PPL: variants seen among roughly 807,000 people sequenced by gnomAD.
PPL encodes 190 kDa paraneoplastic pemphigus antigen.
A neutral mutation model predicts 194.4 loss-of-function variants in PPL; 198 were observed. The observed-to-expected ratio is 1.02, with a 90% CI of 0.91 to 1.15. The LOEUF (loss-of-function observed/expected upper bound fraction) is 1.15. Among genes scored for constraint, PPL ranks in the 50% most tolerant of loss-of-function variants. The pLI, the probability that PPL is intolerant of heterozygous loss-of-function variation, is 0.00. For synonymous variants in PPL, 1,220 were observed against 972.4 expected (o/e 1.25, Z -4.74); for missense variants, 2,885 against 2,294.8 (o/e 1.26, Z -5.25).
chr16:4,909,447 G>A (rs1404181345), intron 2 of PPL, among the ~76,000 whole-genome samples: 1 of 36,042 alleles, frequency 2.8e-5, no homozygotes, highest in African/African-American at 1.8e-4. Flanking sequence ...TTTTTTTTTT[G>A]AGACAGTCTT....
chr16:4,932,904 G>A (rs1003674690), intron 1 of PPL, among the ~76,000 whole-genome samples: 20 of 152,158 alleles, frequency 1.3e-4, no homozygotes, highest in African/African-American at 4.6e-4. Flanking sequence ...ACTGAGGCTC[G>A]GAGACATTAA....
intron 14 of PPL, among the ~76,000 whole-genome samples, chr16:4,892,483 A>T (rs2088338959): frequency 6.6e-6 from 1 of 152,218 alleles, no homozygotes; most frequent in Middle Eastern, 3.2e-3. Context: ...TCAGCACTGC[A>T]CGCGGACGCT....
chr16:4,883,964 T>G lies in PPL; in HGVS notation c.4691A>C (p.Glu1564Ala). 1 of 1,614,126 alleles carries G rather than the reference T, an allele frequency of 6.2e-7. No homozygotes were observed. The highest frequency in any genetic ancestry group is 8.5e-7 in the Non-Finnish European group (1 of 1,180,028). ...SSKELDFLRE[E>A]NHKLQLERQN... ...CCTCTCCAGCTGTAATTTGTGGTTC[T>G]CTTCCCTCAGAAAGTCTAGTTCCTT... Residue 1564 changes from glutamate (E) to alanine (A), a missense_variant, in exon 22 of 22, where the codon GAG becomes GCG. Transcript: ENST00000345988. This position sits in a 1 kb window ranked among gnomAD's most constrained non-coding sequence, Gnocchi z 4.8.
Position 4,895,344 on chromosome 16 carries a change from G to A in PPL, c.1159C>T (p.Gln387Ter). 3.1e-6 allele frequency: 5 copies of A among 1,613,390 alleles called. No individual in the cohort carries two copies. The highest frequency in any genetic ancestry group is 3.4e-6 in the Non-Finnish European group (4 of 1,179,974). Residue 387 changes from glutamine to a stop codon, truncating the protein, a stop_gained, in exon 11 of 22, where the codon CAG becomes TAG. Coordinates refer to ENST00000345988, the MANE Select transcript of PPL (RefSeq NM_002705.5). LOFTEE classifies it high-confidence loss of function. ...CGGCGGTACTTGAGGGGCACCACCT[G>A]CTGGCCTCGCTTCTGCAGCCCCTGC... ...VVQGLQKRGQ[Q>*]VVPLKYRRET...
chr16:4,907,064 G>A (rs1165042799), intron 2 of PPL, among the ~76,000 whole-genome samples: 1 of 128,446 alleles, frequency 7.8e-6, no homozygotes, highest in African/African-American at 2.9e-5. Flanking sequence ...GGGCAATATA[G>A]TGAGACCCTA....
intron 2 of PPL, among the ~76,000 whole-genome samples, chr16:4,909,137 A>G (rs1181861444): frequency 1.3e-5 from 2 of 152,064 alleles, no homozygotes; most frequent in African/African-American, 2.4e-5. Context: ...AGGCCAGGGC[A>G]AGGCCCACTC....
Position 4,884,779 on chromosome 16 carries a change from G to C in PPL, c.3876C>G (p.Val1292=). The C allele has an allele frequency of 1.9e-6, 3 of 1,614,052 alleles. No individual in the cohort carries two copies. Among genetic ancestry groups the C allele is most frequent in the South Asian group, 1.1e-5 (1 of 91,070 alleles). ...TKPQVQTKEV[V]QEILQFQEDP... ...CTTCTTGGAATTGGAGGATCTCCTG[G>C]ACCACCTCTTTGGTCTGGACCTGGG... The change falls in exon 22 of 22, where the codon GTC becomes GTG. Residue 1292 remains valine (V), a synonymous_variant. Coordinates refer to ENST00000345988, the MANE Select transcript of PPL (RefSeq NM_002705.5). The surrounding 1 kb of genome is among the most constrained non-coding windows in gnomAD (Gnocchi z 5.7).
At position 4,894,618 on chromosome 16, in the gene PPL, C is replaced by A. The variant is rs1356024089; in HGVS notation, c.1243G>T (p.Gly415Cys). ...TAGCTGTAGCCCCGCGAGATCAGGC[C>A]CTGGCGGGGGCAGGCTGGACAGTCA... ...EALCDFEGEQGLISRGYSYTL... is the reference protein window; with the variant it reads ...EALCDFEGEQCLISRGYSYTL... The change falls in exon 12 of 22, where the codon GGC becomes TGC. Residue 415 changes from glycine (G) to cysteine (C), a missense_variant and splice_region_variant. Coordinates refer to ENST00000345988, the MANE Select transcript of PPL (RefSeq NM_002705.5). The A allele has an allele frequency of 3.1e-6, 5 of 1,612,526 alleles. No individual in the cohort carries two copies. In the South Asian group the frequency reaches 5.5e-5, roughly 18 times the overall value.
At chr16:4,920,415 C>T (rs2142406603) in intron 1 of PPL, among the ~76,000 whole-genome samples, 1 of 149,534 alleles carries the variant, frequency 6.7e-6, no homozygotes, top group African/African-American at 2.4e-5. Context: ...GGTTCAAGGA[C>T]TGAACTGGAG....
intron 3 of PPL, among the ~76,000 whole-genome samples, 174 bp downstream of exon 3, chr16:4,903,712 C>T (rs2088622920): frequency 6.6e-6 from 1 of 150,654 alleles, no homozygotes; most frequent in African/African-American, 2.4e-5. Flanking sequence ...AAGAGCAAAA[C>T]TACGTCTCAA....
At chr16:4,891,632 G>A in intron 16 of PPL, 179 bp downstream of exon 16, 1 of 710,132 alleles carries the variant, frequency 1.4e-6, no homozygotes, top group Non-Finnish European at 2.2e-6. Context: ...AAGTCACACA[G>A]ATCCCGTGAA....
chr16:4,911,000 C>T (rs1433235019), intron 1 of PPL, 51 bp from the exon 2 acceptor site: 3 of 1,486,336 alleles, frequency 2.0e-6, no homozygotes, highest in Non-Finnish European at 2.8e-6. Context: ...TGGGTGGGGG[C>T]TATGTCCCCA....
At chr16:4,936,920 T>C in intron 1 of PPL, 64 bp downstream of exon 1, 1 of 1,504,156 alleles carries the variant, frequency 6.6e-7, no homozygotes, top group Non-Finnish European at 9.0e-7. Context: ...CGGGAGGTCT[T>C]CCAGGTCCTG....
intron 2 of PPL, among the ~76,000 whole-genome samples, chr16:4,905,155 C>T (rs184343021): frequency 2.3e-4 from 35 of 152,194 alleles, no homozygotes; most frequent in Middle Eastern, 3.4e-3. Context: ...CACTCAGAGC[C>T]GGCCGCCGGT....
rs142713089 is a variant in PPL at position 4,892,203 on chromosome 16, T to G, written c.1661A>C (p.Asn554Thr). Residue 554 changes from asparagine (N) to threonine (T), a missense_variant, in exon 15 of 22, where the codon AAC becomes ACC. Coordinates refer to ENST00000345988, the MANE Select transcript of PPL (RefSeq NM_002705.5). ...CTCAGGTTCAATCCGCAGTAGCTCG[T>G]TGGTGATGTTCTGTGGGAACCAGGG... is the stretch of plus-strand genomic sequence containing the variant. ...ERAKDLKNIT[N>T]ELLRIEPEKT... The G allele has an allele frequency of 6.2e-7, 1 of 1,611,846 alleles. No individual in the cohort carries two copies. The highest frequency in any genetic ancestry group is 2.2e-5 in the East Asian group (1 of 44,806).
Position 4,894,499 on chromosome 16 carries a change from G to C in PPL, c.1362C>G (p.Pro454=), listed in dbSNP as rs147027769. The change falls in exon 12 of 22, where the codon CCC becomes CCG. Residue 454 remains proline, a synonymous_variant. Coordinates refer to ENST00000345988, the MANE Select transcript of PPL (RefSeq NM_002705.5). ...IAPAVCFVIP[P]TDPEALALAD... ...CCAGAGCCAGGGCCTCAGGGTCTGT[G>C]GGGGGGATCACAAAACACACGGCCG... 3.7e-6 allele frequency: 6 copies of C among 1,613,630 alleles called. No homozygotes were observed. The highest frequency in any genetic ancestry group is 2.2e-5 in the South Asian group (2 of 91,066).
At position 4,884,013 on chromosome 16, in the gene PPL, C is replaced by T. The variant is rs2088157710; in HGVS notation, c.4642G>A (p.Glu1548Lys). The change falls in exon 22 of 22, where the codon GAA becomes AAA. Residue 1548 changes from glutamate to lysine, a missense_variant. By Grantham distance (56) the Glu-to-Lys change is moderately conservative (BLOSUM62 1). Coordinates refer to ENST00000345988, the MANE Select transcript of PPL (RefSeq NM_002705.5). The surrounding 1 kb of genome is among the most constrained non-coding windows in gnomAD (Gnocchi z 5.7). ...SRLEARLSEL[E>K]FHNSKSSKEL... ...TTGGATGACTTGGAGTTATGGAATTCCAGCTCCGAAAGCCTGGCTTCCAGC... is the reference window on the plus strand; with the variant it reads ...TTGGATGACTTGGAGTTATGGAATTTCAGCTCCGAAAGCCTGGCTTCCAGC... The T allele has an allele frequency of 1.2e-6, 2 of 1,613,910 alleles. No individual in the cohort carries two copies. The highest frequency in any genetic ancestry group is 4.5e-5 in the East Asian group (2 of 44,862).
chr16:4,918,750 T>A lies in PPL; in HGVS notation c.63-7801A>T, dbSNP rs143647941. Among the ~76,000 whole-genome samples the A allele has an allele frequency of 4.8e-3, 737 of 152,178 alleles. 8 individuals carry two copies. Among genetic ancestry groups the A allele is most frequent in the African/African-American group, 0.017 (711 of 41,524 alleles). On this transcript the variant is annotated intron_variant, in intron 1 of 21. Coordinates refer to ENST00000345988, the MANE Select transcript of PPL (RefSeq NM_002705.5). ...GCCCTGTAGCTTTGCGGTCCTGTGT[T>A]CCCCCCACCATCCAGCTGGCCGCAG... is the stretch of plus-strand genomic sequence containing the variant.
Position 4,897,563 on chromosome 16 carries a change from G to A in PPL, c.972+112C>T, listed in dbSNP as rs576190658. ...GCTGGGGGCCTGGGATGGCTGCCCC[G>A]CAAGGCTCCTGGACCAAGGAGCACG... On this transcript the variant is annotated intron_variant, in intron 9 of 21. Transcript: ENST00000345988. The A allele has an allele frequency of 1.0e-4, 79 of 781,282 alleles. No individual in the cohort carries two copies. The Middle Eastern group carries it at 1.1e-3, about 11-fold the overall frequency. 48.4% of individuals were successfully genotyped at this position (781,282 alleles called of 1,614,324 possible).
Sources: gnomAD v4.1 joint callset for allele counts (sites outside exome capture counted in the v4.1 genomes callset) on GRCh38, gnomAD v4.1.1 for gene constraint, Gnocchi (gnomAD v3.1) non-coding constraint, MANE v1.5 for transcripts, NCBI Gene and HGNC (gene_info 2026-07-23, HGNC 2026-07-21) for gene names.